SHTN1: variants seen among roughly 807,000 people sequenced by gnomAD.
SHTN1 encodes the protein shootin 1, also known as shootin-1.
SHTN1 carries 42 observed loss-of-function variants against 83.1 expected under a neutral mutation model. That is an observed-to-expected ratio of 0.51 (90% CI 0.39 to 0.65). The LOEUF (loss-of-function observed/expected upper bound fraction) is 0.65. Ranked by LOEUF, SHTN1 falls within the 30% of genes least tolerant of loss-of-function variation. SHTN1 has a pLI of 0.00. For missense variants in SHTN1, 622 were observed against 737.8 expected (o/e 0.84, Z 1.82); for synonymous variants, 224 against 247.7 (o/e 0.90, Z 0.90).
At chr10:116,961,955 T>C (rs918777525) in intron 3 of SHTN1, among the ~76,000 whole-genome samples, 1 of 152,160 alleles carries the variant, frequency 6.6e-6, no homozygotes, top group Non-Finnish European at 1.5e-5. Flanking sequence ...ACAGATGCCT[T>C]AGTGGTCTTA....
At chr10:116,922,500 A>G (rs561108175) in intron 11 of SHTN1, among the ~76,000 whole-genome samples, 2 of 152,328 alleles carry the variant, frequency 1.3e-5, no homozygotes, top group East Asian at 3.9e-4. Flanking sequence ...ACCAGAATAC[A>G]TGAACAAGAA....
At chr10:117,075,605 G>A (rs148215288) in intron 1 of SHTN1, among the ~76,000 whole-genome samples, 122 of 152,270 alleles carry the variant, frequency 8.0e-4, no homozygotes, top group African/African-American at 2.9e-3. Flanking sequence ...CATTCTAGGA[G>A]TTAGGAGTGG....
intron 10 of SHTN1, 95 bp downstream of exon 10, chr10:116,929,753 TA>T: frequency 2.8e-6 from 2 of 713,446 alleles, no homozygotes; most frequent in Non-Finnish European, 4.2e-6. Context: ...CAGCATTCAG[TA>T]AATGTTCTAG....
Position 116,929,936 on chromosome 10 carries a change from G to T in SHTN1, c.925C>A (p.Gln309Lys). The change falls in exon 10 of 17, where the codon CAA becomes AAA. Residue 309 changes from glutamine to lysine, a missense_variant. Physicochemically the swap from Gln to Lys is moderately conservative, Grantham distance 53. This residue lies in a region of SHTN1 where 383 missense variants were observed against 455.8 expected (regional missense o/e 0.84). Transcript: ENST00000355371. ...TTATCTTCCTCTAGAAGCTCCAGTT[G>T]CTGTTTGAGGTTGTGTATTTCTTTG... ...LHKEIHNLKQ[Q>K]LELLEEDKKE... 1 of 1,607,668 alleles carries T rather than the reference G, an allele frequency of 6.2e-7. No individual in the cohort carries two copies. The highest frequency in any genetic ancestry group is 8.5e-7 in the Non-Finnish European group (1 of 1,175,656).
intron 1 of SHTN1, among the ~76,000 whole-genome samples, chr10:117,107,649 A>G (rs1310849496): frequency 6.6e-6 from 1 of 152,204 alleles, no homozygotes; most frequent in Non-Finnish European, 1.5e-5. Context: ...AATGTGTTTG[A>G]TAGCAGCAGT....
In SHTN1 at chr10:116,949,580, G is replaced by A. The variant is rs527489694; in HGVS notation, c.535-583C>T. Among the ~76,000 whole-genome samples the A allele has an allele frequency of 3.3e-5, 5 of 152,100 alleles. No homozygotes were observed. In the South Asian group the frequency reaches 1.0e-3, roughly 32 times the overall value. ...ACCTAATGTAAATGACAAGTTAATG[G>A]GTGCAGCACACCAACATGGCACATG... On this transcript the variant is annotated intron_variant, in intron 6 of 16. Coordinates refer to ENST00000355371, the MANE Select transcript of SHTN1 (RefSeq NM_001127211.3).
chr10:117,001,260 A>G (rs1186001871), intron 1 of SHTN1, among the ~76,000 whole-genome samples: 2 of 152,198 alleles, frequency 1.3e-5, no homozygotes, highest in East Asian at 1.9e-4. Context: ...TTAAAGGGAC[A>G]TAATATAACT....
intron 1 of SHTN1, among the ~76,000 whole-genome samples, chr10:117,054,757 G>C (rs77711128): frequency 0.03 from 4,632 of 152,076 alleles, 221 homozygotes; most frequent in African/African-American, 0.1. Context: ...TCAAGGTATA[G>C]ACAGAGCCTT....
upstream of SHTN1, among the ~76,000 whole-genome samples, chr10:117,010,416 A>AAAAG (rs1564930011): frequency 1.3e-3 from 194 of 152,278 alleles, no homozygotes; most frequent in African/African-American, 3.9e-3. Flanking sequence ...AAAGTATTAA[A>AAAAG]AAAAGAAAAG....
At chr10:116,978,713 C>T (rs1850902541) in intron 2 of SHTN1, among the ~76,000 whole-genome samples, 1 of 152,048 alleles carries the variant, frequency 6.6e-6, no homozygotes, top group Non-Finnish European at 1.5e-5. Context: ...ACAGTTAAAA[C>T]AAAACTGACA....
chr10:116,945,190 G>A (rs972153053), intron 7 of SHTN1, among the ~76,000 whole-genome samples, 172 bp from the exon 8 acceptor site: 5 of 152,146 alleles, frequency 3.3e-5, no homozygotes, highest in Non-Finnish European at 7.4e-5. Flanking sequence ...ACTTGGCAAC[G>A]TGAATCAAAA....
chr10:116,981,422 CG>C (rs746239052), intron 1 of SHTN1, among the ~76,000 whole-genome samples: 2 of 152,162 alleles, frequency 1.3e-5, no homozygotes, highest in Non-Finnish European at 2.9e-5. Flanking sequence ...CCACACGCAC[CG>C]CAAGAACTAA....
chr10:116,886,402 G>C lies in SHTN1; in HGVS notation c.1838C>G (p.Pro613Arg). 4 of 1,582,458 alleles carry C rather than the reference G, an allele frequency of 2.5e-6. No homozygotes were observed. Among genetic ancestry groups the C allele is most frequent in the Non-Finnish European group, 3.4e-6 (4 of 1,162,148 alleles). The part of the protein sequence containing the change: ...QHKEDEGEIQ[P>R]ENKEDSIENV... ...TTCAATGCTGTCTTCTTTGTTTTCT[G>C]GTTGAATTTCGCCTTCATCCTCCTT... Residue 613 changes from proline (P) to arginine (R), a missense_variant, in exon 17 of 17, where the codon CCA becomes CGA. Pro to Arg is a moderately radical substitution (Grantham distance 103, BLOSUM62 -2). Transcript: ENST00000355371.
At chr10:116,887,853 T>C (rs112667413) in intron 16 of SHTN1, among the ~76,000 whole-genome samples, 148 of 152,170 alleles carry the variant, frequency 9.7e-4, no homozygotes, top group Middle Eastern at 3.4e-3. Context: ...AAATCAAGGT[T>C]TGGGTGTGAG....
rs188681563 is a variant in SHTN1, at chr10:116,950,249, G to A, written c.535-1252C>T. Among the ~76,000 whole-genome samples, 621 of 152,208 alleles carry A rather than the reference G, an allele frequency of 4.1e-3. 7 individuals are homozygous for A. Among genetic ancestry groups the A allele is most frequent in the African/African-American group, 0.014 (589 of 41,528 alleles). ...ATACGATCATAGCTCATTGCAGCCTGGAACTCCTGGGTTCAAGCAATCCTC... is the reference window on the plus strand; with the variant it reads ...ATACGATCATAGCTCATTGCAGCCTAGAACTCCTGGGTTCAAGCAATCCTC... On this transcript the variant is annotated intron_variant, in intron 6 of 16. Transcript: ENST00000355371.
intron 2 of SHTN1, among the ~76,000 whole-genome samples, chr10:117,011,112 G>T (rs1852096885): frequency 6.6e-6 from 1 of 152,194 alleles, no homozygotes; most frequent in African/African-American, 2.4e-5. Context: ...TGGAAAGGAG[G>T]ACGTAAAGCT....
chr10:116,911,351 A>G, intron 14 of SHTN1: 2 of 1,011,722 alleles, frequency 2.0e-6, no homozygotes, highest in Non-Finnish European at 2.7e-6. Context: ...CTGTGAGGAA[A>G]GGCAGACTGT....
intron 11 of SHTN1, 134 bp downstream of exon 11, chr10:116,927,658 A>C: frequency 8.3e-7 from 1 of 1,211,384 alleles, no homozygotes; most frequent in Non-Finnish European, 1.1e-6. Context: ...ACCAAACCAT[A>C]TCACTGGCCT....
chr10:117,077,925 A>C (rs1853184747), intron 1 of SHTN1, among the ~76,000 whole-genome samples: 1 of 152,208 alleles, frequency 6.6e-6, no homozygotes, highest in African/African-American at 2.4e-5. Context: ...TGGGTAACTC[A>C]TTTTAAGAAG....
Sources: allele counts gnomAD v4.1 joint callset (sites outside exome capture counted in the v4.1 genomes callset), GRCh38; gene constraint gnomAD v4.1.1; regional missense constraint gnomAD v4.1.1; transcripts MANE v1.5; gene names NCBI Gene and HGNC (gene_info 2026-07-23, HGNC 2026-07-21).